CDC42BPA: variants seen among roughly 807,000 people sequenced by gnomAD.
CDC42BPA encodes serine/threonine-protein kinase MRCK alpha.
Under a neutral mutation model 223.5 loss-of-function variants are expected in CDC42BPA, and 80 were observed. That is an observed-to-expected ratio of 0.36 (90% confidence interval 0.30 to 0.43). The LOEUF (loss-of-function observed/expected upper bound fraction) is 0.43. Ranked by LOEUF, CDC42BPA falls within the 20% of genes least tolerant of loss-of-function variation. The pLI is 1.00. For missense variants in CDC42BPA, 1,743 were observed against 2,099.9 expected (o/e 0.83, Z 3.32); for synonymous variants, 694 against 718.6 (o/e 0.97, Z 0.55).
intron 32 of CDC42BPA, among the ~76,000 whole-genome samples, chr1:227,020,073 T>G (rs1453622251): frequency 6.6e-6 from 1 of 152,028 alleles, no homozygotes; most frequent in Non-Finnish European, 1.5e-5. Flanking sequence ...ATTTTGTATT[T>G]TTAATAGAGA....
intron 8 of CDC42BPA, among the ~76,000 whole-genome samples, chr1:227,145,059 C>T (rs113683534): frequency 2.0e-5 from 3 of 152,184 alleles, no homozygotes; most frequent in African/African-American, 7.2e-5. Context: ...AGCAGTTTTT[C>T]ACAAATAAAT....
intron 20 of CDC42BPA, among the ~76,000 whole-genome samples, chr1:227,070,130 A>G (rs1444523963): frequency 6.6e-6 from 1 of 151,736 alleles, no homozygotes; most frequent in East Asian, 1.9e-4. Context: ...AACCACATTA[A>G]ATCTTTTGGT....
intron 1 of CDC42BPA, among the ~76,000 whole-genome samples, chr1:227,286,072 T>G (rs1008408095): frequency 2.0e-5 from 3 of 152,182 alleles, no homozygotes; most frequent in Non-Finnish European, 4.4e-5. Flanking sequence ...GGCACTTACC[T>G]ACCTTTTCAT....
chr1:227,256,818 A>G (rs1683111363), intron 1 of CDC42BPA, among the ~76,000 whole-genome samples: 1 of 152,146 alleles, frequency 6.6e-6, no homozygotes, highest in South Asian at 2.1e-4. Context: ...GAGAATCAAA[A>G]GAAGAGATTC....
At chr1:227,265,011 A>C in intron 1 of CDC42BPA, 1 of 811,350 alleles carries the variant, frequency 1.2e-6, no homozygotes, top group East Asian at 2.4e-5. Flanking sequence ...TTCTTTCTGC[A>C]ATTTCTGTCA....
At chr1:227,303,185 G>C (rs1241627578) in intron 1 of CDC42BPA, among the ~76,000 whole-genome samples, 1 of 152,056 alleles carries the variant, frequency 6.6e-6, no homozygotes, top group South Asian at 2.1e-4. Flanking sequence ...CCAAATCCTT[G>C]GGTGAAACCC....
chr1:227,212,465 T>C (rs560535039), intron 3 of CDC42BPA, among the ~76,000 whole-genome samples: 2 of 152,236 alleles, frequency 1.3e-5, no homozygotes, highest in South Asian at 4.1e-4. Flanking sequence ...AAGTTCTGCT[T>C]CCCTGAAGCC....
chr1:227,057,919 G>A (rs1674940682), intron 21 of CDC42BPA, among the ~76,000 whole-genome samples: 1 of 152,104 alleles, frequency 6.6e-6, no homozygotes, highest in Admixed American at 6.6e-5. Context: ...AATAAAATGA[G>A]AGAAACAAAT....
At chr1:227,075,814 T>C (rs774948765) in intron 17 of CDC42BPA, among the ~76,000 whole-genome samples, 1 of 152,212 alleles carries the variant, frequency 6.6e-6, no homozygotes, top group Non-Finnish European at 1.5e-5. Context: ...TCTCACCTAG[T>C]GCTGGTTTAG....
chr1:227,136,886 G>T (rs1478130784), intron 10 of CDC42BPA, among the ~76,000 whole-genome samples: 2 of 151,878 alleles, frequency 1.3e-5, no homozygotes, highest in Admixed American at 1.3e-4. Context: ...CACATTACAA[G>T]AAAACAATAA....
chr1:227,275,651 A>G (rs193041540), intron 1 of CDC42BPA, among the ~76,000 whole-genome samples: 8,942 of 126,366 alleles, frequency 0.071, 273 homozygotes, highest in Non-Finnish European at 0.078. Context: ...CTCTGATGCC[A>G]AGCGGAGGCT....
At chr1:227,142,779 C>T (rs1175919211) in intron 9 of CDC42BPA, among the ~76,000 whole-genome samples, 166 bp downstream of exon 9, 1 of 152,094 alleles carries the variant, frequency 6.6e-6, no homozygotes, top group Non-Finnish European at 1.5e-5. Context: ...GCCACCACGC[C>T]CACCTAAGTT....
intron 12 of CDC42BPA, 79 bp from the exon 13 acceptor site, chr1:227,112,992 T>A: frequency 6.9e-7 from 1 of 1,451,040 alleles, no homozygotes; most frequent in Non-Finnish European, 9.4e-7. Context: ...TAGCTATCAT[T>A]AAGTCAAGAA....
At chr1:227,174,381 G>C (rs546201011) in intron 5 of CDC42BPA, among the ~76,000 whole-genome samples, 2 of 152,192 alleles carry the variant, frequency 1.3e-5, no homozygotes, top group East Asian at 3.9e-4. Context: ...CACATTCCAA[G>C]AGGATAACTG....
At chr1:227,095,436 T>A (rs1683800257) in intron 15 of CDC42BPA, among the ~76,000 whole-genome samples, 1 of 99,150 alleles carries the variant, frequency 1.0e-5, no homozygotes, top group South Asian at 3.8e-4. Context: ...CCTTCTTACA[T>A]CTACATATAT....
At chr1:227,039,388 C>T (rs1045351712) in intron 24 of CDC42BPA, among the ~76,000 whole-genome samples, 1 of 152,010 alleles carries the variant, frequency 6.6e-6, no homozygotes, top group African/African-American at 2.4e-5. Flanking sequence ...TTGAAGTCCC[C>T]TCATATAAGG....
At position 227,033,395 on chromosome 1, in the gene CDC42BPA, C is replaced by T; in HGVS notation, c.3497G>A (p.Ser1166Asn). 6.2e-7 allele frequency: 1 copy of T among 1,613,364 alleles called. No individual in the cohort carries two copies. Among genetic ancestry groups the T allele is most frequent in the Non-Finnish European group, 8.5e-7 (1 of 1,179,360 alleles). ...IDMRDEEFSV[S>N]SVLASDVIHA... Reference sequence around the variant, plus strand: ...GATAACATCAGAAGCCAAGACTGAACTCACAGAAAATTCTTCATCCCTGAA... The same window carrying T: ...GATAACATCAGAAGCCAAGACTGAATTCACAGAAAATTCTTCATCCCTGAA... Residue 1166 changes from serine (S) to asparagine (N), a missense_variant, in exon 27 of 37, where the codon AGT (serine) becomes AAT (asparagine). By Grantham distance (46) the Ser-to-Asn change is conservative. Coordinates refer to ENST00000366766, the MANE Select transcript of CDC42BPA (RefSeq NM_001394014.1).
chr1:227,010,910 C>T lies in CDC42BPA; in HGVS notation c.4857+5170G>A, dbSNP rs372555451. 22 of 1,364,660 alleles carry T rather than the reference C, an allele frequency of 1.6e-5. No homozygotes were observed. The African/African-American group carries it at 3.3e-4, about 20-fold the overall frequency. 84.5% of individuals were successfully genotyped at this position (1,364,660 alleles called of 1,614,324 possible). A position where few individuals can be genotyped will look rare whatever the true frequency, so the allele number is the denominator to read the frequency against. On this transcript the variant is annotated intron_variant, in intron 34 of 36. Coordinates refer to ENST00000366766, the MANE Select transcript of CDC42BPA (RefSeq NM_001394014.1). Reference sequence around the variant, plus strand: ...GTCATAAAGCTTGGTGTACCAGGGACAGAGCGCAGAGACGGGGAATATTCA... The same window carrying T: ...GTCATAAAGCTTGGTGTACCAGGGATAGAGCGCAGAGACGGGGAATATTCA...
chr1:227,148,010 G>A (rs1660998382), intron 6 of CDC42BPA, among the ~76,000 whole-genome samples: 1 of 151,998 alleles, frequency 6.6e-6, no homozygotes. Context: ...CTCCTTAATA[G>A]AAACCTAAGA....
Sources: allele counts gnomAD v4.1 joint callset (sites outside exome capture counted in the v4.1 genomes callset), GRCh38; gene constraint gnomAD v4.1.1; transcripts MANE v1.5; gene names NCBI Gene and HGNC (gene_info 2026-07-23, HGNC 2026-07-21).